CNTN5: variants seen among roughly 807,000 people sequenced by gnomAD.
The protein encoded by CNTN5 is contactin-5.
In CNTN5, 77 loss-of-function variants were observed where a neutral mutation model predicts 129.1. That is an observed-to-expected ratio of 0.60 (90% CI 0.50 to 0.72). CNTN5 has a LOEUF of 0.72. CNTN5 is among the 30% of genes least tolerant of loss of function. CNTN5 has a pLI of 0.00. For synonymous variants in CNTN5, 509 were observed against 465.6 expected, an observed-to-expected ratio of 1.09 and a Z score of -1.20; for missense variants, 1,478 against 1,328.8, an observed-to-expected ratio of 1.11 and a Z score of -1.75.
intron 1 of CNTN5, among the ~76,000 whole-genome samples, chr11:99,122,605 C>T (rs1158664542): frequency 2.0e-5 from 3 of 151,936 alleles, no homozygotes; most frequent in Non-Finnish European, 4.4e-5. Flanking sequence ...AGTAAACTAC[C>T]TGTCACTGGG....
chr11:99,883,405 C>T (rs1337887484), intron 6 of CNTN5, among the ~76,000 whole-genome samples: 7 of 152,216 alleles, frequency 4.6e-5, no homozygotes, highest in Admixed American at 2.6e-4. Context: ...GGATATAAGC[C>T]GTTTTAACAG....
rs574965700 is a variant in CNTN5, at chr11:99,767,764, C to G, written c.56-51780C>G. Among the ~76,000 whole-genome samples the G allele has an allele frequency of 2.6e-5, 4 of 152,034 alleles. No individual in the cohort carries two copies. The East Asian group carries it at 7.7e-4, about 29-fold the overall frequency. On this transcript the variant is annotated intron_variant, in intron 3 of 24. Coordinates refer to ENST00000524871, the MANE Select transcript of CNTN5 (RefSeq NM_014361.4). ...TTTATCTTGCTGAGAAAGGCAGTGA[C>G]GTTACAGCAAATAAAGACTACATGA...
chr11:99,558,292 A>G (rs1167631633), intron 3 of CNTN5: 11 of 425,472 alleles, frequency 2.6e-5, no homozygotes, highest in Admixed American at 1.8e-4. Flanking sequence ...TTATAAGCCA[A>G]CTGAAGGAGA....
chr11:99,227,340 A>G (rs1860745338), intron 1 of CNTN5, among the ~76,000 whole-genome samples: 1 of 151,808 alleles, frequency 6.6e-6, no homozygotes, highest in Non-Finnish European at 1.5e-5. Context: ...AGCCTGGGGG[A>G]CAGAGCGAGA....
chr11:100,313,040 A>T (rs972062381), intron 21 of CNTN5, among the ~76,000 whole-genome samples: 3 of 152,090 alleles, frequency 2.0e-5, no homozygotes. Context: ...GGGAAATTAA[A>T]ATAGTTTGAG....
At chr11:99,559,900 A>T (rs1339641919) in intron 3 of CNTN5, among the ~76,000 whole-genome samples, 1 of 152,212 alleles carries the variant, frequency 6.6e-6, no homozygotes, top group African/African-American at 2.4e-5. Context: ...CTACACAAAC[A>T]TATTAATGGA....
At chr11:99,180,633 T>C (rs1490262969) in intron 1 of CNTN5, among the ~76,000 whole-genome samples, 1 of 152,204 alleles carries the variant, frequency 6.6e-6, no homozygotes, top group African/African-American at 2.4e-5. Context: ...GTGACTGTTG[T>C]TTGTGTCCAT....
chr11:99,689,721 A>G (rs1953961930), intron 3 of CNTN5, among the ~76,000 whole-genome samples: 1 of 151,490 alleles, frequency 6.6e-6, no homozygotes, highest in Admixed American at 6.6e-5. Flanking sequence ...GGCCACATGT[A>G]TGTCTTGTTT....
intron 20 of CNTN5, among the ~76,000 whole-genome samples, chr11:100,300,968 C>T (rs1416554174): frequency 6.6e-6 from 1 of 151,556 alleles, no homozygotes; most frequent in Non-Finnish European, 1.5e-5. Flanking sequence ...CTCAAATTCA[C>T]ACCAGTAAGT....
chr11:99,843,650 T>C (rs1022914674), intron 4 of CNTN5, among the ~76,000 whole-genome samples: 2 of 152,180 alleles, frequency 1.3e-5, no homozygotes, highest in Non-Finnish European at 2.9e-5. Context: ...TAACAATGTC[T>C]GGATACCTTT....
In CNTN5 at chr11:99,650,556, G is replaced by A. The variant is rs151092608; in HGVS notation, c.55+94287G>A. On this transcript the variant is annotated intron_variant, in intron 3 of 24. Coordinates refer to ENST00000524871, the MANE Select transcript of CNTN5 (RefSeq NM_014361.4). Reference sequence around the variant, plus strand: ...TGTTACATAAACTACTTTCATTTTTGTTCTTTCCTTAGACAAAAAGCAAGG... The same window carrying A: ...TGTTACATAAACTACTTTCATTTTTATTCTTTCCTTAGACAAAAAGCAAGG... Among the ~76,000 whole-genome samples, 67 of 151,720 alleles carry A rather than the reference G, an allele frequency of 4.4e-4. 1 individual carries two copies. Among genetic ancestry groups the A allele is most frequent in the African/African-American group, 1.5e-3 (62 of 41,464 alleles).
At chr11:100,310,199 G>A (rs1039184707) in intron 21 of CNTN5, among the ~76,000 whole-genome samples, 2 of 151,816 alleles carry the variant, frequency 1.3e-5, no homozygotes, top group Admixed American at 6.6e-5. Context: ...CCTCTGAATC[G>A]GAACATCTGG....
chr11:100,236,598 G>T (rs1949618299), intron 16 of CNTN5, among the ~76,000 whole-genome samples: 1 of 152,100 alleles, frequency 6.6e-6, no homozygotes. Context: ...TTTCACTTTA[G>T]GAGGCTTTAA....
At chr11:100,270,170 A>T (rs939328696) in intron 17 of CNTN5, among the ~76,000 whole-genome samples, 1 of 152,172 alleles carries the variant, frequency 6.6e-6, no homozygotes, top group Non-Finnish European at 1.5e-5. Flanking sequence ...TGCTCTGAGC[A>T]TTCACCTTTC....
At chr11:100,073,035 A>C (rs2137881626) in intron 12 of CNTN5, among the ~76,000 whole-genome samples, 1 of 144,588 alleles carries the variant, frequency 6.9e-6, no homozygotes, top group Non-Finnish European at 1.5e-5. Context: ...ATCTCCTCAT[A>C]AATTTCTTTA....
intron 6 of CNTN5, among the ~76,000 whole-genome samples, chr11:99,864,193 T>G (rs190672868): frequency 1.3e-5 from 2 of 152,162 alleles, no homozygotes; most frequent in African/African-American, 2.4e-5. Flanking sequence ...ACTTATATAC[T>G]TGTTTTTTTG....
At chr11:99,104,478 T>C (rs1352807346) in intron 1 of CNTN5, among the ~76,000 whole-genome samples, 4 of 152,146 alleles carry the variant, frequency 2.6e-5, no homozygotes, top group East Asian at 1.9e-4. Context: ...TAGAGATGTA[T>C]TGCACAGTAT....
intron 2 of CNTN5, among the ~76,000 whole-genome samples, chr11:99,459,490 G>C: frequency 6.6e-6 from 1 of 151,996 alleles, no homozygotes; most frequent in Non-Finnish European, 1.5e-5. Flanking sequence ...CATTACAATG[G>C]AAGAGTCTGG....
chr11:100,146,671 C>T (rs183874854), intron 13 of CNTN5, among the ~76,000 whole-genome samples: 2 of 152,226 alleles, frequency 1.3e-5, no homozygotes, highest in Non-Finnish European at 2.9e-5. Context: ...ATCATATTCA[C>T]TGTTGAAAAT....
Sources: allele counts gnomAD v4.1 joint callset (sites outside exome capture counted in the v4.1 genomes callset), GRCh38; gene constraint gnomAD v4.1.1; transcripts MANE v1.5; gene names NCBI Gene and HGNC (gene_info 2026-07-23, HGNC 2026-07-21).